Variants in AFG2A observed in about 807,000 individuals in gnomAD.
AFG2A encodes AAA ATPase AFG2A.
the AFG2A span, among the ~76,000 whole-genome samples, chr4:123,071,349 G>A: frequency 0.032 from 4,822 of 152,082 alleles, 109 homozygotes; most frequent in Non-Finnish European, 0.049. Flanking sequence ...GCGTGGTGGC[G>A]CATGCCTGTA....
At chr4:122,933,754 A>T in the AFG2A span, among the ~76,000 whole-genome samples, 1 of 152,172 alleles carries the variant, frequency 6.6e-6, no homozygotes, top group African/African-American at 2.4e-5. Flanking sequence ...TAACCTTTGC[A>T]TTCTTGCCCT....
At chr4:122,971,394 G>A in the AFG2A span, among the ~76,000 whole-genome samples, 3 of 152,136 alleles carry the variant, frequency 2.0e-5, no homozygotes, top group Non-Finnish European at 2.9e-5. Context: ...GTGACAGAGT[G>A]AGACCCTGTC....
chr4:123,100,884 C>T, the AFG2A span, among the ~76,000 whole-genome samples: 1 of 151,954 alleles, frequency 6.6e-6, no homozygotes. Context: ...CTACTTTTCA[C>T]ATGATTCCCA....
chr4:123,178,053 G>A, the AFG2A span, among the ~76,000 whole-genome samples: 1 of 152,180 alleles, frequency 6.6e-6, no homozygotes, highest in Non-Finnish European at 1.5e-5. Context: ...TAATTTACAT[G>A]AATCTTCATT....
the AFG2A span, among the ~76,000 whole-genome samples, chr4:123,264,084 A>G: frequency 1.3e-5 from 2 of 152,320 alleles, no homozygotes; most frequent in African/African-American, 4.8e-5. Flanking sequence ...ATTGGCAACC[A>G]TTATTCTAAG....
At chr4:123,289,415 C>T in the AFG2A span, among the ~76,000 whole-genome samples, 1 of 152,084 alleles carries the variant, frequency 6.6e-6, no homozygotes. Context: ...TCTTATTGGT[C>T]GATGGGCACT....
the AFG2A span, among the ~76,000 whole-genome samples, chr4:123,172,959 A>G: frequency 6.1e-3 from 935 of 152,302 alleles, 9 homozygotes; most frequent in African/African-American, 0.021. Flanking sequence ...ATTTTCTTAC[A>G]TTAAATCACA....
chr4:122,962,238 A>G, the AFG2A span, among the ~76,000 whole-genome samples: 2 of 152,224 alleles, frequency 1.3e-5, no homozygotes, highest in African/African-American at 4.8e-5. Context: ...GTACCAGCCC[A>G]TGGGCCATTG....
chr4:123,084,950 C>A, the AFG2A span, among the ~76,000 whole-genome samples: 2 of 151,852 alleles, frequency 1.3e-5, no homozygotes, highest in Admixed American at 6.6e-5. Flanking sequence ...TTTAAAATTT[C>A]TCTTGAAGTT....
chr4:123,068,437 T>A, the AFG2A span, among the ~76,000 whole-genome samples: 1 of 152,184 alleles, frequency 6.6e-6, no homozygotes, highest in African/African-American at 2.4e-5. Flanking sequence ...AAGAGCAAAT[T>A]GGAAAAGTTT....
chr4:122,955,363 C>T, the AFG2A span, among the ~76,000 whole-genome samples: 5 of 152,138 alleles, frequency 3.3e-5, no homozygotes, highest in Admixed American at 1.3e-4. Flanking sequence ...AATGTTGTTA[C>T]GGTCTCATGG....
the AFG2A span, among the ~76,000 whole-genome samples, chr4:123,025,691 C>A: frequency 6.6e-6 from 1 of 151,948 alleles, no homozygotes; most frequent in Non-Finnish European, 1.5e-5. Context: ...TTGTCAGGTT[C>A]AATTTCAGTT....
the AFG2A span, among the ~76,000 whole-genome samples, chr4:123,166,633 T>C: frequency 6.6e-6 from 1 of 152,194 alleles, no homozygotes; most frequent in Non-Finnish European, 1.5e-5. Flanking sequence ...TTTCGTTGGT[T>C]ATATACTCAG....
the AFG2A span, among the ~76,000 whole-genome samples, chr4:123,048,719 G>T: frequency 5.3e-5 from 8 of 152,048 alleles, no homozygotes; most frequent in Non-Finnish European, 1.2e-4. Flanking sequence ...TATGTTGATT[G>T]TGTATCTGGG....
At chr4:122,942,131 G>C in the AFG2A span, among the ~76,000 whole-genome samples, 1 of 151,316 alleles carries the variant, frequency 6.6e-6, no homozygotes, top group African/African-American at 2.4e-5. Context: ...TTGGTATCAG[G>C]ATGATGCTGG....
At chr4:123,091,093 T>C in the AFG2A span, among the ~76,000 whole-genome samples, 2 of 152,232 alleles carry the variant, frequency 1.3e-5, no homozygotes, top group South Asian at 4.1e-4. Flanking sequence ...ACACTGAGTA[T>C]GTGAGACTCA....
the AFG2A span, among the ~76,000 whole-genome samples, chr4:123,018,297 A>C: frequency 2.6e-5 from 4 of 152,242 alleles, no homozygotes; most frequent in Admixed American, 1.3e-4. Context: ...AGGGCAAAAT[A>C]AGATCGGATG....
At chr4:123,309,067 G>A in the AFG2A span, among the ~76,000 whole-genome samples, 1 of 152,160 alleles carries the variant, frequency 6.6e-6, no homozygotes, top group Admixed American at 6.5e-5. Flanking sequence ...TAATAAGCAA[G>A]AGCCATAATG....
the AFG2A span, among the ~76,000 whole-genome samples, chr4:122,998,769 CAT>C: frequency 2.6e-5 from 4 of 152,174 alleles, no homozygotes. Context: ...CCGCAATAAA[CAT>C]ATGTGTGCAT....
Sources: gnomAD v4.1 joint callset for allele counts (sites outside exome capture counted in the v4.1 genomes callset) on GRCh38, gnomAD v4.1.1 for gene constraint, MANE v1.5 for transcripts, NCBI Gene and HGNC (gene_info 2026-07-23, HGNC 2026-07-21) for gene names.